The following BRI3 variants were observed in gnomAD, a reference collection of about 807,000 sequenced individuals.
BRI3 encodes the protein membrane protein BRI3.
Under a neutral mutation model 12.8 loss-of-function variants are expected in BRI3, and 6 were observed. That is an observed-to-expected ratio of 0.47 (90% CI 0.26 to 0.93). The LOEUF (loss-of-function observed/expected upper bound fraction) is 0.93. Among genes scored for constraint, BRI3 ranks in the 40% least tolerant of loss-of-function variants. BRI3 has a pLI of 0.15. For synonymous variants in BRI3, 91 were observed against 76.1 expected (o/e 1.20, Z -1.02); for missense variants, 134 against 171.1 (o/e 0.78, Z 1.21).
chr7:98,285,862 G>A lies in BRI3; in HGVS notation c.245+3409G>A, dbSNP rs557843208. Among the ~76,000 whole-genome samples the A allele has an allele frequency of 2.5e-3, 388 of 152,306 alleles. 2 individuals are homozygous for A. The highest frequency in any genetic ancestry group is 4.2e-3 in the Non-Finnish European group (287 of 68,008). ...GCTGGAGCTGCTTTGGGGCCACCTC[G>A]CCCTGCGCTGAGCATGGCTTCAGGC... On this transcript the variant is annotated intron_variant, in intron 2 of 2. Transcript: ENST00000297290.
At chr7:98,314,686 C>T (rs1349784285), downstream of BRI3, among the ~76,000 whole-genome samples, 1 of 152,074 alleles carries the variant, frequency 6.6e-6, no homozygotes, top group Non-Finnish European at 1.5e-5. Flanking sequence ...TCCTGATGCG[C>T]GTGAATGGGG....
intron 2 of BRI3, among the ~76,000 whole-genome samples, chr7:98,284,874 T>TTGCCC (rs1478625520): frequency 2.0e-5 from 3 of 152,036 alleles, no homozygotes; most frequent in Non-Finnish European, 4.4e-5. Flanking sequence ...CTGCCCTGCC[T>TTGCCC]TGCCCTGCCC....
exon 2 of BRI3, chr7:98,310,191 A>G: frequency 2.3e-6 from 1 of 430,402 alleles, no homozygotes. Context: ...CAGTATGTTT[A>G]CTCTGGATAA....
the BRI3 span, among the ~76,000 whole-genome samples, chr7:98,319,736 A>T: frequency 6.6e-6 from 1 of 152,074 alleles, no homozygotes; most frequent in African/African-American, 2.4e-5. Flanking sequence ...TTTTGAGTAG[A>T]GATGGGGTTT....
At chr7:98,288,080 C>T (rs1584393914) in intron 2 of BRI3, among the ~76,000 whole-genome samples, 1 of 152,298 alleles carries the variant, frequency 6.6e-6, no homozygotes, top group African/African-American at 2.4e-5. Flanking sequence ...AAGGATTTCT[C>T]AGCCGGTTCA....
the BRI3 span, chr7:98,317,499 C>T: frequency 2.0e-6 from 2 of 1,011,566 alleles, no homozygotes; most frequent in Non-Finnish European, 2.9e-6. Flanking sequence ...TGGCTGGGGC[C>T]CCCACACCCA....
intron 2 of BRI3, among the ~76,000 whole-genome samples, 200 bp from the exon 3 acceptor site, chr7:98,290,911 G>A (rs1051770546): frequency 2.0e-5 from 3 of 152,192 alleles, no homozygotes; most frequent in East Asian, 1.9e-4. Flanking sequence ...GAACGGGTAC[G>A]TGCAGCTGGT....
At chr7:98,284,356 C>T (rs1341900785) in intron 2 of BRI3, among the ~76,000 whole-genome samples, 1 of 152,226 alleles carries the variant, frequency 6.6e-6, no homozygotes, top group Admixed American at 6.5e-5. Context: ...CGAGGCTTTG[C>T]CTCTGCAGCT....
chr7:98,284,199 T>C (rs184003316), intron 2 of BRI3, among the ~76,000 whole-genome samples: 67 of 152,226 alleles, frequency 4.4e-4, no homozygotes, highest in African/African-American at 1.5e-3. Context: ...CTGGACAAGG[T>C]TGGGGGGTCC....
At chr7:98,311,405 A>C (rs1416369436), downstream of BRI3, among the ~76,000 whole-genome samples, 1 of 151,860 alleles carries the variant, frequency 6.6e-6, no homozygotes, top group African/African-American at 2.4e-5. Flanking sequence ...TTAGCCAGGC[A>C]TGGTGGCGGG....
chr7:98,304,253 C>T (rs752073058), upstream of BRI3: 30 of 1,613,424 alleles, frequency 1.9e-5, no homozygotes, highest in Admixed American at 5.0e-5. Flanking sequence ...TCGTCCTGGC[C>T]GAATCTGCTC....
chr7:98,282,074 C>A (rs1034589315), intron 1 of BRI3, 137 bp downstream of exon 1: 5 of 1,225,014 alleles, frequency 4.1e-6, no homozygotes, highest in African/African-American at 1.6e-5. Flanking sequence ...GCTTCGGGAC[C>A]CGGCGCCGCC....
At chr7:98,293,587 G>GT, downstream of BRI3, 2 of 1,613,756 alleles carry the variant, frequency 1.2e-6, no homozygotes, top group Non-Finnish European at 1.7e-6. Context: ...TGGCAAAGGG[G>GT]TTTTCTCCGC....
chr7:98,294,904 G>T (rs936882274), downstream of BRI3, among the ~76,000 whole-genome samples: 2 of 152,202 alleles, frequency 1.3e-5, no homozygotes, highest in African/African-American at 4.8e-5. Flanking sequence ...GCCAGGGCCA[G>T]GTGTGTGCGC....
chr7:98,292,750 T>C, downstream of BRI3: 1 of 1,551,048 alleles, frequency 6.4e-7, no homozygotes, highest in Non-Finnish European at 8.7e-7. Context: ...TGGATGCAGC[T>C]TTGGCCAACT....
In BRI3 at chr7:98,291,317, T is replaced by C. The variant is rs1340452390; in HGVS notation, c.*74T>C. ...GTAAATGTTGTGTACAATAATTTTA[T>C]TTGATTAAGCTTCAGGACTGTTTTG... On this transcript the variant is annotated 3_prime_UTR_variant, in exon 3 of 3. Coordinates refer to ENST00000297290, the MANE Select transcript of BRI3 (RefSeq NM_015379.5). 24 of 1,586,794 alleles carry C rather than the reference T, an allele frequency of 1.5e-5. No individual in the cohort carries two copies. The highest frequency in any genetic ancestry group is 1.8e-5 in the Non-Finnish European group (21 of 1,164,962).
downstream of BRI3, among the ~76,000 whole-genome samples, chr7:98,294,961 T>TCCTG (rs1554408900): frequency 6.6e-6 from 1 of 152,150 alleles, no homozygotes; most frequent in Non-Finnish European, 1.5e-5. Context: ...TAACACTCTT[T>TCCTG]CCTGCCTGCA....
intron 1 of BRI3, among the ~76,000 whole-genome samples, chr7:98,301,098 C>T (rs1405412074): frequency 2.0e-5 from 3 of 152,152 alleles, no homozygotes; most frequent in Non-Finnish European, 4.4e-5. Flanking sequence ...ATGGGACGGT[C>T]TCATCTCTGT....
At chr7:98,306,073 C>T (rs1293032737), upstream of BRI3, among the ~76,000 whole-genome samples, 2 of 152,068 alleles carry the variant, frequency 1.3e-5, no homozygotes, top group African/African-American at 2.4e-5. Context: ...GAGAACATTC[C>T]AGAAAAAGCA....
Sources: allele counts gnomAD v4.1 joint callset (sites outside exome capture counted in the v4.1 genomes callset), GRCh38; gene constraint gnomAD v4.1.1; transcripts MANE v1.5; gene names NCBI Gene and HGNC (gene_info 2026-07-23, HGNC 2026-07-21).